Variants in TMEM204 observed in about 807,000 individuals in gnomAD.
The protein encoded by TMEM204 is claudin-like protein 24.
In TMEM204, 15 loss-of-function variants were observed where a neutral mutation model predicts 19.4. That is an observed-to-expected ratio of 0.77 (90% CI 0.52 to 1.19). TMEM204 has a LOEUF of 1.19. TMEM204 is among the 50% of genes most tolerant of loss of function. TMEM204 has a pLI of 0.00. For synonymous variants in TMEM204, 161 were observed against 146.0 expected (o/e 1.10, Z -0.74); for missense variants, 287 against 321.2 (o/e 0.89, Z 0.81).
At chr16:1,543,653 C>T (rs1339302786) in intron 2 of TMEM204, among the ~76,000 whole-genome samples, 2 of 152,222 alleles carry the variant, frequency 1.3e-5, no homozygotes, top group Admixed American at 1.3e-4. Context: ...ACTGTAAGAA[C>T]GAATGAGACA....
chr16:1,533,920 T>G lies in TMEM204; in HGVS notation c.-356T>G. On this transcript the variant is annotated 5_prime_UTR_variant, in exon 1 of 3. Transcript: ENST00000566264. This position sits in a 1 kb window ranked among gnomAD's most constrained non-coding sequence, Gnocchi z 4.7. ...TGCCGGCCTCCCGAGTGACTCTGTT[T>G]TCCACTGCTGCAGGCGAGAAGAGGC... is the stretch of plus-strand genomic sequence containing the variant. 3.1e-6 allele frequency: 1 copy of G among 326,920 alleles called. No homozygotes were observed. The highest frequency in any genetic ancestry group is 5.6e-6 in the Non-Finnish European group (1 of 177,354). 20.3% of individuals were successfully genotyped at this position (326,920 alleles called of 1,614,324 possible).
intron 2 of TMEM204, among the ~76,000 whole-genome samples, chr16:1,552,131 T>C (rs569368579): frequency 6.6e-6 from 1 of 152,266 alleles, no homozygotes; most frequent in Non-Finnish European, 1.5e-5. Flanking sequence ...CCCCTGAGAT[T>C]TTAAACACGT....
chr16:1,531,778 C>A (rs998603628), upstream of TMEM204: 1 of 152,204 alleles, frequency 6.6e-6, no homozygotes, highest in African/African-American at 2.4e-5. The surrounding 1 kb of genome is among the most constrained non-coding windows in gnomAD (Gnocchi z 4.7). Context: ...GAGGCCGATG[C>A]TGGCCTCTGC....
chr16:1,534,401 C>T lies in TMEM204; in HGVS notation c.126C>T (p.Ser42=), dbSNP rs372798914. 11 of 1,612,502 alleles carry T rather than the reference C, an allele frequency of 6.8e-6. No individual in the cohort carries two copies. The highest frequency in any genetic ancestry group is 1.3e-5 in the African/African-American group (1 of 74,910). The part of the protein sequence containing the change: ...CQTLEDGRRR[S]VGLWRSCWLV... ...CGCTGGAGGATGGGCGCAGGCGCAG[C>T]GTGGGGCTGTGGAGGTCCTGCTGGC... Residue 42 remains serine, a synonymous_variant, in exon 1 of 3, where the codon AGC becomes AGT. Coordinates refer to ENST00000566264, the MANE Select transcript of TMEM204 (RefSeq NM_024600.6).
chr16:1,534,467 A>T lies in TMEM204; in HGVS notation c.192A>T (p.Arg64Ser). 6.2e-7 allele frequency: 1 copy of T among 1,611,148 alleles called. No homozygotes were observed. Reference protein sequence around the residue: ...RTRGGPSPGARAGQVDAHDCE... With the variant: ...RTRGGPSPGASAGQVDAHDCE... Reference sequence around the variant, plus strand: ...GGGGAGGGCCGAGCCCTGGGGCCAGAGCCGGCCAGGTGGACGCACATGACT... The same window carrying T: ...GGGGAGGGCCGAGCCCTGGGGCCAGTGCCGGCCAGGTGGACGCACATGACT... The change falls in exon 1 of 3, where the codon AGA becomes AGT. Residue 64 changes from arginine to serine, a missense_variant. By Grantham distance (110) the Arg-to-Ser change is moderately radical (BLOSUM62 -1). Transcript: ENST00000566264.
intron 1 of TMEM204, chr16:1,541,119 C>G: frequency 1.0e-6 from 1 of 985,454 alleles, no homozygotes; most frequent in South Asian, 4.7e-5. Flanking sequence ...CTGCCCCTGA[C>G]CACGCATCCA....
At chr16:1,532,187 A>G (rs1280681586), upstream of TMEM204, 1 of 152,254 alleles carries the variant, frequency 6.6e-6, no homozygotes, top group East Asian at 1.9e-4. Flanking sequence ...GGCCGGCAGC[A>G]CCACTGTGCC....
chr16:1,537,090 C>T (rs557637029), intron 1 of TMEM204, among the ~76,000 whole-genome samples: 27 of 152,370 alleles, frequency 1.8e-4, no homozygotes, highest in Admixed American at 1.2e-3. Flanking sequence ...TCACCCAGCA[C>T]GTATGATGGG....
intron 1 of TMEM204, 63 bp downstream of exon 1, chr16:1,534,618 G>C: frequency 6.3e-7 from 1 of 1,591,420 alleles, no homozygotes; most frequent in Non-Finnish European, 8.5e-7. Flanking sequence ...CATGGGAGAT[G>C]TTAGGCGCGG....
intron 2 of TMEM204, chr16:1,554,022 CCTT>C (rs1473448382): frequency 6.2e-6 from 8 of 1,287,236 alleles, no homozygotes; most frequent in Middle Eastern, 3.3e-4. Context: ...GCCCACCTCT[CCTT>C]CTCTGGTTTC....
chr16:1,554,697 ACCTGCT>A (rs2032946743), intron 2 of TMEM204, 79 bp from the exon 3 acceptor site: 1 of 1,537,664 alleles, frequency 6.5e-7, no homozygotes, highest in African/African-American at 1.4e-5. Flanking sequence ...GCAGGCTGGA[ACCTGCT>A]CTAGGACAGA....
At position 1,553,005 on chromosome 16, in the gene TMEM204, G is replaced by A. The variant is rs1452585708; in HGVS notation, c.437-1777G>A. ...GTATCCAGGAGCTACCCATGTATAA[G>A]AAGCTCCATGAAGTATTATAAAGAA... On this transcript the variant is annotated intron_variant, in intron 2 of 2. Coordinates refer to ENST00000566264, the MANE Select transcript of TMEM204 (RefSeq NM_024600.6). This position sits in a 1 kb window ranked among gnomAD's most constrained non-coding sequence, Gnocchi z 4.4. 1.0e-6 allele frequency: 1 copy of A among 985,236 alleles called. No individual in the cohort carries two copies. 61.0% of individuals were successfully genotyped at this position (985,236 alleles called of 1,614,324 possible).
At chr16:1,541,443 G>A in intron 1 of TMEM204, 6 of 985,432 alleles carry the variant, frequency 6.1e-6, no homozygotes, top group Non-Finnish European at 7.2e-6. Flanking sequence ...TCGGGCAGCT[G>A]AGCACGCAGG....
intron 2 of TMEM204, among the ~76,000 whole-genome samples, chr16:1,546,576 C>T (rs1445319045): frequency 1.3e-5 from 2 of 152,354 alleles, no homozygotes; most frequent in Middle Eastern, 3.4e-3. Flanking sequence ...TGAGAAGCTT[C>T]AGGCCCGAGG....
chr16:1,548,206 G>A (rs1287110736), intron 2 of TMEM204, among the ~76,000 whole-genome samples: 7 of 152,270 alleles, frequency 4.6e-5, no homozygotes, highest in South Asian at 4.1e-4. Context: ...CCAGGGGGCC[G>A]TCTGCTCCGC....
chr16:1,545,933 C>A (rs921475971), intron 2 of TMEM204, among the ~76,000 whole-genome samples: 25 of 152,230 alleles, frequency 1.6e-4, no homozygotes, highest in African/African-American at 6.0e-4. Flanking sequence ...GAGAGAGCAG[C>A]TGAAATGTGC....
chr16:1,539,591 G>C (rs1226477936), intron 1 of TMEM204, among the ~76,000 whole-genome samples: 1 of 152,272 alleles, frequency 6.6e-6, no homozygotes, highest in Non-Finnish European at 1.5e-5. Context: ...TCCTTCTTTA[G>C]AGAGAACCTC....
At chr16:1,541,870 C>T (rs778280954) in intron 1 of TMEM204, 51 bp from the exon 2 acceptor site, 3 of 1,504,264 alleles carry the variant, frequency 2.0e-6, no homozygotes, top group Admixed American at 4.2e-5. Flanking sequence ...GCTGGCGTGG[C>T]CTCTGGAGCC....
chr16:1,540,890 G>C, intron 1 of TMEM204: 1 of 985,434 alleles, frequency 1.0e-6, no homozygotes, highest in Non-Finnish European at 1.2e-6. Context: ...TTCACATGCA[G>C]TCCCTGACTC....
Sources: allele counts gnomAD v4.1 joint callset (sites outside exome capture counted in the v4.1 genomes callset), GRCh38; gene constraint gnomAD v4.1.1; non-coding constraint Gnocchi (gnomAD v3.1); transcripts MANE v1.5; gene names NCBI Gene and HGNC (gene_info 2026-07-23, HGNC 2026-07-21).